Variants in UNC13C observed in about 807,000 individuals in gnomAD.
UNC13C encodes unc-13 homolog C.
UNC13C carries 174 observed loss-of-function variants against 245.4 expected under a neutral mutation model. The ratio of observed to expected loss-of-function variants is 0.71; its 90% CI spans 0.63 to 0.80. UNC13C has a LOEUF of 0.80. Ranked by LOEUF, UNC13C falls within the 30% of genes least tolerant of loss-of-function variation. The pLI, the probability that UNC13C is intolerant of heterozygous loss-of-function variation, is 0.00. For synonymous variants in UNC13C, 992 were observed against 895.1 expected, an observed-to-expected ratio of 1.11 and a Z score of -1.93; for missense variants, 2,829 against 2,602.9, an observed-to-expected ratio of 1.09 and a Z score of -1.89.
rs1895582338 is a variant in UNC13C at position 54,015,085 on chromosome 15, A to G, written c.2182A>G (p.Asn728Asp). The G allele has an allele frequency of 6.2e-7, 1 of 1,612,714 alleles. No individual in the cohort carries two copies. Among genetic ancestry groups the G allele is most frequent in the African/African-American group, 1.3e-5 (1 of 74,920 alleles). ...DNSSPCPGLD[N>D]EPQGQWVGQY... ...TTCTTCTCCATGCCCTGGCTTGGAT[A>G]ATGAACCACAAGGCCAGTGGGTTGG... is the stretch of plus-strand genomic sequence containing the variant. The change falls in exon 2 of 33, where the codon AAT becomes GAT. Residue 728 changes from asparagine (N) to aspartate (D), a missense_variant. Coordinates refer to ENST00000260323, the MANE Select transcript of UNC13C (RefSeq NM_001080534.3).
At chr15:54,362,405 G>C (rs1393964119) in intron 17 of UNC13C, among the ~76,000 whole-genome samples, 2 of 152,134 alleles carry the variant, frequency 1.3e-5, no homozygotes, top group Non-Finnish European at 2.9e-5. Flanking sequence ...TCTCCTACTG[G>C]TCATGCCTTC....
chr15:54,336,755 C>G (rs996263798), intron 16 of UNC13C, among the ~76,000 whole-genome samples: 3 of 152,054 alleles, frequency 2.0e-5, no homozygotes, highest in African/African-American at 7.2e-5. Context: ...GAATTGCTTT[C>G]ATATTATTGT....
intron 4 of UNC13C, among the ~76,000 whole-genome samples, chr15:54,149,364 G>T (rs1212405461): frequency 6.6e-6 from 1 of 152,176 alleles, no homozygotes; most frequent in East Asian, 1.9e-4. Context: ...TATAGAAGGA[G>T]TTCACTATAG....
In UNC13C at chr15:54,035,629, G is replaced by A. The variant is rs539379779; in HGVS notation, c.2983+19743G>A. Among the ~76,000 whole-genome samples, 3 of 152,222 alleles carry A rather than the reference G, an allele frequency of 2.0e-5. No homozygotes were observed. The East Asian group carries it at 5.8e-4, about 29-fold the overall frequency. On this transcript the variant is annotated intron_variant, in intron 2 of 32. Transcript: ENST00000260323. ...TCACTGTGGAGGTGACTGGATTTCT[G>A]ACCCGATTTACAGAGAGATGCCTGT...
intron 13 of UNC13C, among the ~76,000 whole-genome samples, chr15:54,303,104 G>T (rs1267253577): frequency 6.6e-6 from 1 of 152,096 alleles, no homozygotes; most frequent in African/African-American, 2.4e-5. Context: ...TAGAAACTTT[G>T]TTATTGGATC....
chr15:54,087,294 G>A (rs1404348682), intron 2 of UNC13C, among the ~76,000 whole-genome samples: 1 of 152,084 alleles, frequency 6.6e-6, no homozygotes, highest in Non-Finnish European at 1.5e-5. Context: ...CATCAGTACA[G>A]GTATACTTTC....
chr15:54,193,319 T>A (rs763129255), intron 4 of UNC13C, among the ~76,000 whole-genome samples: 1 of 152,204 alleles, frequency 6.6e-6, no homozygotes, highest in Admixed American at 6.6e-5. Flanking sequence ...ACTTCCTGAA[T>A]CCCTGCTCTA....
chr15:54,140,230 C>A (rs772832444), intron 2 of UNC13C, among the ~76,000 whole-genome samples: 9 of 152,064 alleles, frequency 5.9e-5, no homozygotes, highest in Admixed American at 2.0e-4. Flanking sequence ...ATCTACAAAT[C>A]TGTTAGATTA....
chr15:54,055,187 C>G (rs919911999), intron 2 of UNC13C, among the ~76,000 whole-genome samples: 6 of 152,192 alleles, frequency 3.9e-5, no homozygotes, highest in Non-Finnish European at 8.8e-5. Flanking sequence ...AAATACCTCT[C>G]ATGCCTAAAT....
At chr15:54,321,234 A>G in intron 13 of UNC13C, 1 of 489,760 alleles carries the variant, frequency 2.0e-6, no homozygotes, top group Non-Finnish European at 4.0e-6. Context: ...CAAAGGTTAC[A>G]CAAGCAAGAC....
chr15:54,178,539 A>G (rs2033691412), intron 4 of UNC13C, among the ~76,000 whole-genome samples: 2 of 152,160 alleles, frequency 1.3e-5, no homozygotes, highest in South Asian at 4.1e-4. Context: ...ACAGCTGTGG[A>G]AACGAAAAGG....
In UNC13C at chr15:54,124,155, T is replaced by C. The variant is rs2030872469; in HGVS notation, c.2984-18863T>C. ...GGTTATTAAAATAAAGCTGCTATGA[T>C]TAATCATATGTAGATTTTTGTGTAG... On this transcript the variant is annotated intron_variant, in intron 2 of 32. Transcript: ENST00000260323. Among the ~76,000 whole-genome samples, 4 of 152,234 alleles carry C rather than the reference T, an allele frequency of 2.6e-5. No individual in the cohort carries two copies. The South Asian group carries it at 8.3e-4, about 31-fold the overall frequency.
chr15:54,227,130 T>C (rs1351834227), intron 4 of UNC13C, among the ~76,000 whole-genome samples: 2 of 152,176 alleles, frequency 1.3e-5, no homozygotes, highest in Non-Finnish European at 2.9e-5. Context: ...AGAATTGTTT[T>C]CAGGAGACCC....
intron 14 of UNC13C, among the ~76,000 whole-genome samples, chr15:54,323,008 CTT>C (rs59778832): frequency 8.8e-4 from 127 of 144,872 alleles, no homozygotes; most frequent in Non-Finnish European, 7.7e-4. Context: ...TTTTTGTTCT[CTT>C]TTTTTTTTTT....
At chr15:53,936,854 G>A in the UNC13C span, among the ~76,000 whole-genome samples, 1 of 152,066 alleles carries the variant, frequency 6.6e-6, no homozygotes, top group East Asian at 1.9e-4. Flanking sequence ...TCAACAAAAA[G>A]TCCCCCCAAA....
rs763485342 is a variant in UNC13C at position 54,393,069 on chromosome 15, C to T, written c.4735C>T (p.Arg1579Cys). 9 of 1,606,266 alleles carry T rather than the reference C, an allele frequency of 5.6e-6. No homozygotes were observed. Among genetic ancestry groups the T allele is most frequent in the African/African-American group, 2.7e-5 (2 of 74,338 alleles). ...TDPSKKQDIP[R>C]EDQGPTTKNL... ...GCAGAGTAAGAAACAGGATATTCCT[C>T]GTGAAGATCAGGGACCAACCACCAA... Residue 1579 changes from arginine to cysteine, a missense_variant, in exon 18 of 33, where the codon CGT becomes TGT. Physicochemically the swap from Arg to Cys is radical, Grantham distance 180 (BLOSUM62 -3). Coordinates refer to ENST00000260323, the MANE Select transcript of UNC13C (RefSeq NM_001080534.3).
chr15:54,307,393 T>C (rs992348171), intron 13 of UNC13C, among the ~76,000 whole-genome samples: 27 of 152,082 alleles, frequency 1.8e-4, no homozygotes, highest in African/African-American at 6.0e-4. Context: ...TCCCCACTTA[T>C]GATCTAATCA....
At chr15:54,497,497 T>G (rs1313021304) in intron 20 of UNC13C, among the ~76,000 whole-genome samples, 1 of 152,098 alleles carries the variant, frequency 6.6e-6, no homozygotes, top group South Asian at 2.1e-4. Context: ...GAGTCCAACA[T>G]GCTACAGGCA....
At chr15:53,865,283 G>C in the UNC13C span, among the ~76,000 whole-genome samples, 4 of 152,126 alleles carry the variant, frequency 2.6e-5, no homozygotes, top group Admixed American at 2.6e-4. Flanking sequence ...AGTCCACTCG[G>C]GCTGACAGAA....
Sources: gnomAD v4.1 joint callset for allele counts (sites outside exome capture counted in the v4.1 genomes callset) on GRCh38, gnomAD v4.1.1 for gene constraint, MANE v1.5 for transcripts, NCBI Gene and HGNC (gene_info 2026-07-23, HGNC 2026-07-21) for gene names.